GRIN2B: variants seen among roughly 807,000 people sequenced by gnomAD.
GRIN2B encodes the protein glutamate ionotropic receptor NMDA type subunit 2B.
GRIN2B carries 5 observed loss-of-function variants against 114.5 expected under a neutral mutation model. The ratio of observed to expected loss-of-function variants is 0.04; its 90% CI spans 0.02 to 0.09. GRIN2B has a LOEUF of 0.09. Among genes scored for constraint, GRIN2B ranks in the 10% least tolerant of loss-of-function variants. The pLI is 1.00. For synonymous variants in GRIN2B, 787 were observed against 745.1 expected (o/e 1.06, Z -0.92); for missense variants, 1,108 against 1,943.5 (o/e 0.57, Z 8.08).
At chr12:13,625,257 A>T (rs1481076641) in intron 5 of GRIN2B, among the ~76,000 whole-genome samples, 4 of 152,166 alleles carry the variant, frequency 2.6e-5, no homozygotes, top group Non-Finnish European at 4.4e-5. Context: ...TTACCAAGAG[A>T]ATATTTATGA....
At chr12:13,730,915 T>C (rs1420072830) in intron 4 of GRIN2B, among the ~76,000 whole-genome samples, 1 of 152,148 alleles carries the variant, frequency 6.6e-6, no homozygotes, top group Non-Finnish European at 1.5e-5. Flanking sequence ...AAAATGGTTA[T>C]TTCTTTTGGC....
chr12:13,873,368 T>C (rs1456873234), intron 2 of GRIN2B, among the ~76,000 whole-genome samples: 2 of 152,152 alleles, frequency 1.3e-5, no homozygotes, highest in African/African-American at 2.4e-5. Flanking sequence ...AGAAGACCAA[T>C]ATCTATTTTT....
intron 3 of GRIN2B, among the ~76,000 whole-genome samples, chr12:13,778,392 T>C (rs1864044875): frequency 6.6e-6 from 1 of 152,168 alleles, no homozygotes; most frequent in African/African-American, 2.4e-5. Flanking sequence ...CATATAAAAT[T>C]AGAGAAGTTA....
chr12:13,572,542 A>G (rs1490406432), intron 10 of GRIN2B, among the ~76,000 whole-genome samples: 14 of 152,130 alleles, frequency 9.2e-5, no homozygotes, highest in Admixed American at 9.2e-4. Context: ...TGTAGGATAA[A>G]CTGTACAATC....
chr12:13,788,845 T>C (rs7301500), intron 3 of GRIN2B, among the ~76,000 whole-genome samples: 71,858 of 151,916 alleles, frequency 0.47, 17,779 homozygotes, highest in Middle Eastern at 0.58. Context: ...CTTCCCTTTT[T>C]CTCCAAGGAA....
intron 3 of GRIN2B, among the ~76,000 whole-genome samples, chr12:13,835,978 T>C (rs183801800): frequency 9.4e-4 from 143 of 152,214 alleles, no homozygotes; most frequent in African/African-American, 3.1e-3. Context: ...TGAAGCCTGC[T>C]GAGGGCCAGA....
At chr12:13,704,918 G>A (rs1056557204) in intron 4 of GRIN2B, among the ~76,000 whole-genome samples, 3 of 151,998 alleles carry the variant, frequency 2.0e-5, no homozygotes, top group Non-Finnish European at 2.9e-5. Flanking sequence ...TGGAGGAATC[G>A]GTTTCTTTCT....
intron 2 of GRIN2B, among the ~76,000 whole-genome samples, chr12:13,951,839 T>C (rs968548217): frequency 1.3e-5 from 2 of 152,204 alleles, no homozygotes; most frequent in Non-Finnish European, 2.9e-5. Flanking sequence ...GTGTGGCTTC[T>C]GTAAGGGAAT....
At chr12:13,893,826 TA>T (rs74598276) in intron 2 of GRIN2B, among the ~76,000 whole-genome samples, 20 of 151,480 alleles carry the variant, frequency 1.3e-4, no homozygotes, top group African/African-American at 3.9e-4. Flanking sequence ...TGACTTTTTT[TA>T]AAAAAAAGAA....
rs1345918134 is a variant in GRIN2B at position 13,548,344 on chromosome 12, A to G, written c.*14439T>C. The G allele has an allele frequency of 6.6e-6, 1 of 151,998 alleles. No homozygotes were observed. The highest frequency in any genetic ancestry group is 6.6e-5 in the Admixed American group (1 of 15,262). 9.4% of individuals were successfully genotyped at this position (151,998 alleles called of 1,614,324 possible). ...TGTAAGACTTCCTCCATTGGCCGCTATGGTACAGCTCAGAAAAGCTGAACT... is the reference window on the plus strand; with the variant it reads ...TGTAAGACTTCCTCCATTGGCCGCTGTGGTACAGCTCAGAAAAGCTGAACT... On this transcript the variant is annotated 3_prime_UTR_variant, in exon 14 of 14. Transcript: ENST00000609686.
In GRIN2B at chr12:13,554,614, G is replaced by C. The variant is rs1948456382; in HGVS notation, c.*8169C>G. 1 of 152,166 alleles carries C rather than the reference G, an allele frequency of 6.6e-6. No homozygotes were observed. 9.4% of individuals were successfully genotyped at this position (152,166 alleles called of 1,614,324 possible). A position where few individuals can be genotyped will look rare whatever the true frequency, so the allele number is the denominator to read the frequency against. On this transcript the variant is annotated 3_prime_UTR_variant, in exon 14 of 14. Coordinates refer to ENST00000609686, the MANE Select transcript of GRIN2B (RefSeq NM_000834.5). ...TGAAGCCCACTGAAGGTTGTTTCTT[G>C]ATCTGAAGAATGACATCTGATTTAT...
chr12:13,826,343 T>C (rs567272363), intron 3 of GRIN2B, among the ~76,000 whole-genome samples: 5 of 152,236 alleles, frequency 3.3e-5, no homozygotes, highest in African/African-American at 1.2e-4. Flanking sequence ...TGGTGGTGCA[T>C]GCCTGTAATC....
At position 13,899,656 on chromosome 12, in the gene GRIN2B, T is replaced by A. The variant is rs566518284; in HGVS notation, c.-18-33430A>T. ...AAATAATTCATTGTAATTAAATAAG[T>A]CAAAGGGGGACATTGCCAACTATCC... is the stretch of plus-strand genomic sequence containing the variant. On this transcript the variant is annotated intron_variant, in intron 2 of 13. Transcript: ENST00000609686. Among the ~76,000 whole-genome samples the A allele has an allele frequency of 1.3e-3, 189 of 143,856 alleles. 18 individuals are homozygous for A. Among genetic ancestry groups the A allele is most frequent in the Admixed American group, 0.012 (170 of 14,566 alleles). The allele number at this position is 143,856 out of a possible 152,430, so 94.4% of individuals were successfully genotyped here.
At chr12:13,583,954 T>A (rs954041593) in intron 10 of GRIN2B, among the ~76,000 whole-genome samples, 1 of 152,120 alleles carries the variant, frequency 6.6e-6, no homozygotes, top group Admixed American at 6.6e-5. Flanking sequence ...AAGGGACGTT[T>A]ACTGGAAAAC....
chr12:13,673,504 A>C (rs906262739), intron 5 of GRIN2B, among the ~76,000 whole-genome samples: 1 of 152,142 alleles, frequency 6.6e-6, no homozygotes, highest in Non-Finnish European at 1.5e-5. Context: ...TCTGGCAGCC[A>C]TATTTTGGAC....
chr12:13,575,590 T>A (rs1948764041), intron 10 of GRIN2B, among the ~76,000 whole-genome samples: 1 of 151,852 alleles, frequency 6.6e-6, no homozygotes. Flanking sequence ...GCCCAGGAGG[T>A]GGAGGTTGCA....
intron 8 of GRIN2B, among the ~76,000 whole-genome samples, chr12:13,612,879 G>A (rs1949383174): frequency 6.6e-6 from 1 of 152,176 alleles, no homozygotes. Flanking sequence ...TCATAACTAA[G>A]TGAATTAACA....
Position 13,560,734 on chromosome 12 carries a change from A to G in GRIN2B, c.*2049T>C, listed in dbSNP as rs1287473979. ...AGCCCCTTGCCCCCATGTTCATTTT[A>G]GAAAGAAAACAAAGCTTTACAAGGC... On this transcript the variant is annotated 3_prime_UTR_variant, in exon 14 of 14. Coordinates refer to ENST00000609686, the MANE Select transcript of GRIN2B (RefSeq NM_000834.5). The G allele has an allele frequency of 1.3e-5, 2 of 152,268 alleles. No homozygotes were observed. Among genetic ancestry groups the G allele is most frequent in the African/African-American group, 2.4e-5 (1 of 41,470 alleles). The allele number at this position is 152,268 out of a possible 1,614,324, so 9.4% of individuals were successfully genotyped here.
intron 5 of GRIN2B, among the ~76,000 whole-genome samples, chr12:13,620,016 T>G (rs1949495605): frequency 2.0e-5 from 3 of 152,208 alleles, no homozygotes; most frequent in Non-Finnish European, 4.4e-5. Flanking sequence ...ATTGACAAGT[T>G]AGGCTTTGGT....
Sources: gnomAD v4.1 joint callset for allele counts (sites outside exome capture counted in the v4.1 genomes callset) on GRCh38, gnomAD v4.1.1 for gene constraint, MANE v1.5 for transcripts, NCBI Gene and HGNC (gene_info 2026-07-23, HGNC 2026-07-21) for gene names.